CNTN4: variants seen among roughly 807,000 people sequenced by gnomAD.
CNTN4 encodes contactin 4.
In CNTN4, 77 loss-of-function variants were observed where a neutral mutation model predicts 122.5. The ratio of observed to expected loss-of-function variants is 0.63; its 90% CI spans 0.52 to 0.76. The LOEUF is 0.76. CNTN4 is among the 30% of genes least tolerant of loss of function. The pLI is 0.00. For synonymous variants in CNTN4, 512 were observed against 447.0 expected (o/e 1.15, Z -1.83); for missense variants, 1,256 against 1,259.1 (o/e 1.00, Z 0.04).
chr3:2,714,101 T>C (rs1319888838), intron 4 of CNTN4, among the ~76,000 whole-genome samples: 1 of 152,204 alleles, frequency 6.6e-6, no homozygotes, highest in African/African-American at 2.4e-5. Context: ...CTAGTAATTA[T>C]AGTAGTGATC....
chr3:2,099,281 A>G (rs1434691151), intron 1 of CNTN4: 5 of 152,354 alleles, frequency 3.3e-5, no homozygotes, highest in Non-Finnish European at 1.5e-5. Flanking sequence ...CAGCCGGAAA[A>G]TAAGTTTGTT....
rs146661285 is a variant in CNTN4, at chr3:2,609,571, A to G, written c.55+38013A>G. Among the ~76,000 whole-genome samples, 66 of 152,352 alleles carry G rather than the reference A, an allele frequency of 4.3e-4. 1 individual carries two copies. In the East Asian group the frequency reaches 0.012, roughly 28 times the overall value. The stretch of plus-strand genomic sequence containing the variant: ...ACTTCTAAAATATAGGTAGTTCTCA[A>G]AAGCATTATGTTCAGTAGGATAGCT... On this transcript the variant is annotated intron_variant, in intron 4 of 24. Coordinates refer to ENST00000418658, the MANE Select transcript of CNTN4 (RefSeq NM_175607.3).
At chr3:2,777,971 T>G (rs555740581) in intron 6 of CNTN4, among the ~76,000 whole-genome samples, 1 of 151,984 alleles carries the variant, frequency 6.6e-6, no homozygotes, top group Admixed American at 6.6e-5. Context: ...TGCCAGCACT[T>G]TGGGAGGCCG....
At chr3:2,400,429 A>G (rs1272781283) in intron 3 of CNTN4, among the ~76,000 whole-genome samples, 7 of 11,954 alleles carry the variant, frequency 5.9e-4, no homozygotes, top group Non-Finnish European at 9.2e-4. Context: ...ATATATATAC[A>G]TATATATATA....
chr3:2,938,460 CAATT>C (rs1218254745), intron 13 of CNTN4, among the ~76,000 whole-genome samples: 1 of 152,078 alleles, frequency 6.6e-6, no homozygotes, highest in South Asian at 2.1e-4. Flanking sequence ...TGGAAGAAAG[CAATT>C]TATTTACCTT....
chr3:2,138,919 C>T (rs1221256753), intron 2 of CNTN4, among the ~76,000 whole-genome samples: 5 of 152,132 alleles, frequency 3.3e-5, no homozygotes, highest in East Asian at 1.9e-4. Flanking sequence ...GGTTTTCTTT[C>T]TCTGGAGAGC....
intron 2 of CNTN4, among the ~76,000 whole-genome samples, chr3:2,237,168 T>G (rs2039713020): frequency 6.6e-6 from 1 of 151,982 alleles, no homozygotes; most frequent in African/African-American, 2.4e-5. Context: ...TACTAAAGTT[T>G]GTGGAGTCAG....
At chr3:3,036,272 AC>A (rs1438578656) in intron 17 of CNTN4, among the ~76,000 whole-genome samples, 2 of 152,110 alleles carry the variant, frequency 1.3e-5, no homozygotes, top group Non-Finnish European at 2.9e-5. Flanking sequence ...TGTTTTTTTC[AC>A]TTTAGTTTAC....
In CNTN4 at chr3:2,436,036, G is replaced by A. The variant is rs182521231; in HGVS notation, c.-89+96803G>A. The stretch of plus-strand genomic sequence containing the variant: ...TAGACCCTTAGTAAATGTCTGTTGA[G>A]TGAAGTTGAATTGAATTAGTTTGAG... On this transcript the variant is annotated intron_variant, in intron 3 of 24. Coordinates refer to ENST00000418658, the MANE Select transcript of CNTN4 (RefSeq NM_175607.3). 9.5e-4 allele frequency among the ~76,000 whole-genome samples: 144 copies of A among 152,292 alleles called. 1 individual carries two copies. The highest frequency in any genetic ancestry group is 3.3e-3 in the African/African-American group (138 of 41,582).
chr3:2,953,704 T>C (rs2094770035), intron 13 of CNTN4, among the ~76,000 whole-genome samples: 1 of 152,194 alleles, frequency 6.6e-6, no homozygotes, highest in Non-Finnish European at 1.5e-5. Context: ...CAATCTATCC[T>C]AGGCAAAAAT....
intron 6 of CNTN4, among the ~76,000 whole-genome samples, chr3:2,769,129 A>G (rs892822545): frequency 6.6e-6 from 1 of 152,128 alleles, no homozygotes; most frequent in Non-Finnish European, 1.5e-5. Flanking sequence ...ACTTACCTAT[A>G]CTGAAATTTC....
chr3:2,782,229 A>T (rs895413192), intron 6 of CNTN4, among the ~76,000 whole-genome samples: 29 of 151,820 alleles, frequency 1.9e-4, no homozygotes, highest in Non-Finnish European at 2.5e-4. Context: ...CTTGGCCTGA[A>T]TCAGTCTTTC....
chr3:2,703,795 A>G (rs1243065237), intron 4 of CNTN4, among the ~76,000 whole-genome samples: 4 of 152,192 alleles, frequency 2.6e-5, no homozygotes. Context: ...TTAGGGGGAA[A>G]AAACATAGCC....
At chr3:2,811,439 T>G (rs2092606798) in intron 6 of CNTN4, among the ~76,000 whole-genome samples, 1 of 149,934 alleles carries the variant, frequency 6.7e-6, no homozygotes, top group African/African-American at 2.5e-5. Flanking sequence ...GTCCTTTACT[T>G]TATTTTTATT....
intron 2 of CNTN4, among the ~76,000 whole-genome samples, chr3:2,228,313 A>G (rs367653241): frequency 6.6e-6 from 1 of 152,098 alleles, no homozygotes; most frequent in Non-Finnish European, 1.5e-5. Flanking sequence ...TAATAATAAT[A>G]TTTCATTCAC....
chr3:2,200,899 C>A (rs537931137), intron 2 of CNTN4, among the ~76,000 whole-genome samples: 15 of 152,268 alleles, frequency 9.9e-5, no homozygotes, highest in Admixed American at 3.9e-4. Context: ...GACTCCACTA[C>A]AGCCATAATT....
At chr3:2,344,103 C>A (rs1281291338) in intron 3 of CNTN4, among the ~76,000 whole-genome samples, 1 of 152,094 alleles carries the variant, frequency 6.6e-6, no homozygotes, top group Non-Finnish European at 1.5e-5. Flanking sequence ...AAACACCTCG[C>A]ACTAGGCCCC....
intron 13 of CNTN4, among the ~76,000 whole-genome samples, chr3:2,944,804 G>T (rs1481067661): frequency 2.0e-5 from 3 of 152,182 alleles, no homozygotes; most frequent in African/African-American, 7.2e-5. Context: ...GTTTATAGGG[G>T]AGTGCTCTCT....
intron 6 of CNTN4, among the ~76,000 whole-genome samples, chr3:2,768,854 C>A (rs2090969254): frequency 6.6e-6 from 1 of 151,990 alleles, no homozygotes; most frequent in South Asian, 2.1e-4. Flanking sequence ...CATCACCATC[C>A]CCATCTTACA....
Sources: gnomAD v4.1 joint callset for allele counts (sites outside exome capture counted in the v4.1 genomes callset) on GRCh38, gnomAD v4.1.1 for gene constraint, MANE v1.5 for transcripts, NCBI Gene and HGNC (gene_info 2026-07-23, HGNC 2026-07-21) for gene names.